Variants in PARP14 observed in about 807,000 individuals in gnomAD.
PARP14 encodes the protein poly(ADP-ribose) polymerase family member 14.
A neutral mutation model predicts 154.2 loss-of-function variants in PARP14; 59 were observed. The observed-to-expected ratio is 0.38, with a 90% confidence interval of 0.31 to 0.48. The LOEUF is 0.48. Ranked by LOEUF, PARP14 falls within the 20% of genes least tolerant of loss-of-function variation. The probability of loss-of-function intolerance (pLI) is 0.98; values close to 1 mark genes in which losing one functional copy is unlikely to be tolerated. For missense variants in PARP14, 1,734 were observed against 2,131.6 expected, an observed-to-expected ratio of 0.81 and a Z score of 3.67; for synonymous variants, 720 against 780.5, an observed-to-expected ratio of 0.92 and a Z score of 1.29.
chr3:122,721,250 G>T (rs936999152), intron 15 of PARP14: 1 of 225,202 alleles, frequency 4.4e-6, no homozygotes, highest in Non-Finnish European at 8.9e-6. Flanking sequence ...ACCAACCTGG[G>T]TCTTTGACTC....
chr3:122,718,877 TAC>T lies in PARP14; in HGVS notation c.4730_4731del (p.Thr1577SerfsTer27), dbSNP rs748608869. The T allele has an allele frequency of 1.2e-6, 2 of 1,613,758 alleles. No homozygotes were observed. Among genetic ancestry groups the T allele is most frequent in the Non-Finnish European group, 8.5e-7 (1 of 1,179,810 alleles). The stretch of plus-strand genomic sequence containing the variant: ...TGATGTCAAAATTAATCATCGGCAC[TAC>T]ACAGTGAACTTGAACACATACACTG... Reference protein sequence around the residue: ...TVDVKINHRHYTVNLNTYTAT... With the variant: ...TVDVKINHRHXTVNLNTYTAT... On this transcript the variant is annotated frameshift_variant, in exon 14 of 17. Transcript: ENST00000474629. LOFTEE classifies it high-confidence loss of function.
At chr3:122,706,584 G>C (rs1939157466) in intron 8 of PARP14, among the ~76,000 whole-genome samples, 1 of 152,098 alleles carries the variant, frequency 6.6e-6, no homozygotes, top group African/African-American at 2.4e-5. Context: ...TGAGTGGCAG[G>C]TGTTCTCTAG....
intron 4 of PARP14, among the ~76,000 whole-genome samples, chr3:122,692,781 CTGAG>C (rs1210980547): frequency 3.3e-5 from 5 of 151,922 alleles, no homozygotes; most frequent in African/African-American, 4.8e-5. Flanking sequence ...GTGTGTGTGA[CTGAG>C]AGAGAGAGAG....
rs146761981 is a variant in PARP14, at chr3:122,703,356, G to A, written c.3082-386G>A. On this transcript the variant is annotated intron_variant, in intron 6 of 16. Coordinates refer to ENST00000474629, the MANE Select transcript of PARP14 (RefSeq NM_017554.3). The stretch of plus-strand genomic sequence containing the variant: ...CCATTTTGCTGCAGAAGCTCTCTCA[G>A]ATCAAATTAATCTGTTCACAGCTCA... Among the ~76,000 whole-genome samples, 451 of 152,244 alleles carry A rather than the reference G, an allele frequency of 3.0e-3. 3 individuals carry two copies. Among genetic ancestry groups the A allele is most frequent in the African/African-American group, 8.7e-3 (360 of 41,542 alleles).
Position 122,692,698 on chromosome 3 carries a change from G to T in PARP14, c.598+155G>T, listed in dbSNP as rs527324263. ...ATATAGTTTTTTTTATTTTGAAAGT[G>T]AAGCATATTCATATTGAAACCAAAT... On this transcript the variant is annotated intron_variant, in intron 4 of 16. Coordinates refer to ENST00000474629, the MANE Select transcript of PARP14 (RefSeq NM_017554.3). Among the ~76,000 whole-genome samples, 88 of 152,344 alleles carry T rather than the reference G, an allele frequency of 5.8e-4. No individual in the cohort carries two copies. The South Asian group carries it at 0.017, about 30-fold the overall frequency.
Position 122,701,143 on chromosome 3 carries a change from T to C in PARP14, c.2589T>C (p.Asn863=). ...GAGAGGGCAGACTCCTACCGGGCAA[T>C]GCCACCATCTCCAAGGCAGGAAAGC... ...VKREGRLLPG[N]ATISKAGKLP... Residue 863 remains asparagine, a synonymous_variant, in exon 6 of 17, where the codon AAT becomes AAC. Coordinates refer to ENST00000474629, the MANE Select transcript of PARP14 (RefSeq NM_017554.3). This position sits in a 1 kb window ranked among gnomAD's most constrained non-coding sequence, Gnocchi z 4.0. 6.2e-7 allele frequency: 1 copy of C among 1,613,916 alleles called. No homozygotes were observed.
Position 122,681,372 on chromosome 3 carries a change from T to G in PARP14, c.187+302T>G, listed in dbSNP as rs563049358. Among the ~76,000 whole-genome samples the G allele has an allele frequency of 6.6e-6, 1 of 152,330 alleles. No individual in the cohort carries two copies. The highest frequency in any genetic ancestry group is 2.1e-4 in the South Asian group (1 of 4,830). On this transcript the variant is annotated intron_variant, in intron 1 of 16. Transcript: ENST00000474629. This position sits in a 1 kb window ranked among gnomAD's most constrained non-coding sequence, Gnocchi z 5.5. Reference sequence around the variant, plus strand: ...TCTGTCTTTCCCTGTTGTGGTGGTGTTATTGTTTGTTGTTGTTGTTGTGGA... The same window carrying G: ...TCTGTCTTTCCCTGTTGTGGTGGTGGTATTGTTTGTTGTTGTTGTTGTGGA...
chr3:122,691,506 A>C (rs749449769), intron 3 of PARP14, among the ~76,000 whole-genome samples: 4 of 152,178 alleles, frequency 2.6e-5, no homozygotes, highest in African/African-American at 4.8e-5. Context: ...ATCATTTGCT[A>C]TAGGGATCCT....
In PARP14 at chr3:122,680,932, C is replaced by A. The variant is rs780289880; in HGVS notation, c.49C>A (p.Pro17Thr). The A allele has an allele frequency of 6.2e-7, 1 of 1,612,732 alleles. No individual in the cohort carries two copies. The highest frequency in any genetic ancestry group is 1.1e-5 in the South Asian group (1 of 90,876). ...FPLLVEGSWG[P>T]DPPKNLNTKL... ...GCTGCTGGTCGAGGGCTCCTGGGGC[C>A]CCGACCCCCCGAAGAACTTGAACAC... Residue 17 changes from proline (P) to threonine (T), a missense_variant, in exon 1 of 17, where the codon CCC (proline) becomes ACC (threonine). Physicochemically the swap from Pro to Thr is conservative, Grantham distance 38 (BLOSUM62 -1). Transcript: ENST00000474629.
At chr3:122,683,010 G>A (rs769104513) in intron 1 of PARP14, among the ~76,000 whole-genome samples, 3 of 152,094 alleles carry the variant, frequency 2.0e-5, no homozygotes, top group South Asian at 2.1e-4. Context: ...AGGTGAGATC[G>A]CACCACTGCA....
At chr3:122,706,690 C>T (rs1237977611) in intron 8 of PARP14, among the ~76,000 whole-genome samples, 1 of 152,144 alleles carries the variant, frequency 6.6e-6, no homozygotes, top group Non-Finnish European at 1.5e-5. Context: ...TACCCTCTCT[C>T]TGGTTCCTTC....
At chr3:122,688,403 T>G (rs745745720) in intron 3 of PARP14, among the ~76,000 whole-genome samples, 3 of 152,212 alleles carry the variant, frequency 2.0e-5, no homozygotes, top group Non-Finnish European at 4.4e-5. Flanking sequence ...CTCCCAAATG[T>G]ATTCCCAGCG....
chr3:122,725,559 A>G (rs1180908083), intron 15 of PARP14, among the ~76,000 whole-genome samples: 3 of 152,190 alleles, frequency 2.0e-5, no homozygotes, highest in Non-Finnish European at 4.4e-5. Flanking sequence ...AAATTATCAT[A>G]CCAAAATTAT....
In PARP14 at chr3:122,700,489, C is replaced by T; in HGVS notation, c.1935C>T (p.Val645=). ...NELTSETTAE[V]IITGCVKEVN... ...TAACTTCAGAAACCACAGCTGAAGT[C>T]ATCATTACAGGCTGTGTAAAAGAAG... The change falls in exon 6 of 17, where the codon GTC becomes GTT. Residue 645 remains valine, a synonymous_variant. Transcript: ENST00000474629. The T allele has an allele frequency of 1.2e-6, 2 of 1,611,450 alleles. No homozygotes were observed. Among genetic ancestry groups the T allele is most frequent in the Non-Finnish European group, 1.7e-6 (2 of 1,178,536 alleles).
At chr3:122,710,924 G>T (rs549520365) in intron 9 of PARP14, among the ~76,000 whole-genome samples, 35 of 151,910 alleles carry the variant, frequency 2.3e-4, no homozygotes, top group African/African-American at 8.2e-4. Flanking sequence ...CTACTAATTT[G>T]TGTACATTGA....
chr3:122,726,703 A>T (rs1933295855), intron 15 of PARP14, among the ~76,000 whole-genome samples: 1 of 152,174 alleles, frequency 6.6e-6, no homozygotes, highest in South Asian at 2.1e-4. Context: ...ATTTTTAAAA[A>T]TTTTAAAAGG....
intron 1 of PARP14, chr3:122,683,307 G>A (rs1238354265): frequency 1.1e-5 from 11 of 984,308 alleles, no homozygotes; most frequent in Non-Finnish European, 1.2e-5. Flanking sequence ...CTCAACAGGT[G>A]CGGGCCCATA....
Position 122,699,631 on chromosome 3 carries a change from A to T in PARP14, c.1077A>T (p.Gln359His). Reference sequence around the variant, plus strand: ...GTCACTGTGAGCTCACGTGGTCCCAACTCAGTGGTAAAGTTACCATCAGAC... The same window carrying T: ...GTCACTGTGAGCTCACGTGGTCCCATCTCAGTGGTAAAGTTACCATCAGAC... ...RRCHCELTWS[Q>H]LSGKVTIRPA... The change falls in exon 6 of 17, where the codon CAA becomes CAT. Residue 359 changes from glutamine (Q) to histidine (H), a missense_variant. Physicochemically the swap from Gln to His is conservative, Grantham distance 24. Coordinates refer to ENST00000474629, the MANE Select transcript of PARP14 (RefSeq NM_017554.3). 2 of 1,614,030 alleles carry T rather than the reference A, an allele frequency of 1.2e-6. No homozygotes were observed. The highest frequency in any genetic ancestry group is 1.7e-6 in the Non-Finnish European group (2 of 1,179,882).
At chr3:122,706,371 A>T (rs1030530) in intron 8 of PARP14, among the ~76,000 whole-genome samples, 123,346 of 152,146 alleles carry the variant, frequency 0.81, 50,366 homozygotes, top group East Asian at 0.94. Flanking sequence ...GTCACAGAGG[A>T]TGCAAAGCAG....
Sources: allele counts gnomAD v4.1 joint callset (sites outside exome capture counted in the v4.1 genomes callset), GRCh38; gene constraint gnomAD v4.1.1; non-coding constraint Gnocchi (gnomAD v3.1); transcripts MANE v1.5; gene names NCBI Gene and HGNC (gene_info 2026-07-23, HGNC 2026-07-21).